The following MED13L variants were observed in gnomAD, a reference collection of about 807,000 sequenced individuals.
The protein encoded by MED13L is mediator complex subunit 13L.
A neutral mutation model predicts 220.9 loss-of-function variants in MED13L; 7 were observed. The ratio of observed to expected loss-of-function variants is 0.03; its 90% CI spans 0.02 to 0.06. The LOEUF is 0.06. MED13L is among the 10% of genes least tolerant of loss of function. The pLI is 1.00. For synonymous variants in MED13L, 1,011 were observed against 1,015.2 expected, an observed-to-expected ratio of 1.00 and a Z score of 0.08; for missense variants, 1,965 against 2,760.5, an observed-to-expected ratio of 0.71 and a Z score of 6.46.
At chr12:116,054,632 G>C (rs1868796062) in intron 4 of MED13L, among the ~76,000 whole-genome samples, 1 of 152,132 alleles carries the variant, frequency 6.6e-6, no homozygotes, top group African/African-American at 2.4e-5. Flanking sequence ...CTACTGTCCA[G>C]CTGAAATCCT....
chr12:116,088,752 GA>G (rs1245494577), intron 4 of MED13L, among the ~76,000 whole-genome samples: 2 of 149,276 alleles, frequency 1.3e-5, no homozygotes, highest in African/African-American at 2.5e-5. Context: ...GAGGGGAGGG[GA>G]GGGGAGACCA....
intron 7 of MED13L, 21 bp from the exon 8 acceptor site, chr12:116,015,295 GA>G: frequency 6.2e-7 from 1 of 1,613,330 alleles, no homozygotes; most frequent in East Asian, 2.2e-5. Context: ...AGGCAATTTG[GA>G]ATGTTAGGAT....
At chr12:116,220,184 C>G (rs1449261696) in intron 2 of MED13L, among the ~76,000 whole-genome samples, 1 of 152,066 alleles carries the variant, frequency 6.6e-6, no homozygotes, top group African/African-American at 2.4e-5. Flanking sequence ...GCTGTTAATG[C>G]CATTATAAAC....
In MED13L at chr12:116,216,562, T is replaced by C. The variant is rs183034982; in HGVS notation, c.310+20906A>G. Among the ~76,000 whole-genome samples, 23 of 152,222 alleles carry C rather than the reference T, an allele frequency of 1.5e-4. No individual in the cohort carries two copies. The Middle Eastern group carries it at 0.014, about 90-fold the overall frequency. ...GGAAGAAATGTATGCAAAGGTCCAATAGTGGTTGGAAAAAGTGAAAACCAA... is the reference window on the plus strand; with the variant it reads ...GGAAGAAATGTATGCAAAGGTCCAACAGTGGTTGGAAAAAGTGAAAACCAA... On this transcript the variant is annotated intron_variant, in intron 2 of 30. Coordinates refer to ENST00000281928, the MANE Select transcript of MED13L (RefSeq NM_015335.5).
intron 2 of MED13L, among the ~76,000 whole-genome samples, chr12:116,162,693 T>C (rs1272025830): frequency 6.6e-6 from 1 of 152,210 alleles, no homozygotes; most frequent in Non-Finnish European, 1.5e-5. Flanking sequence ...AAAATTCACA[T>C]ATCTCCAAAT....
intron 2 of MED13L, among the ~76,000 whole-genome samples, chr12:116,140,145 T>TC (rs1158072122): frequency 1.3e-5 from 2 of 151,618 alleles, no homozygotes; most frequent in Non-Finnish European, 1.5e-5. Flanking sequence ...AAAAACATAC[T>TC]CCCCCCCTTT....
rs756798130 is a variant in MED13L at position 116,096,763 on chromosome 12, T to A, written c.396-11A>T. On this transcript the variant is annotated splice_polypyrimidine_tract_variant and intron_variant, in intron 3 of 30. Transcript: ENST00000281928. The stretch of plus-strand genomic sequence containing the variant: ...TTATCCATTAGGCACCTAAAATAAT[T>A]ACATCAAGAATTACTTTTATAGTAT... 1 of 1,603,146 alleles carries A rather than the reference T, an allele frequency of 6.2e-7. No homozygotes were observed. Among genetic ancestry groups the A allele is most frequent in the Non-Finnish European group, 8.5e-7 (1 of 1,170,124 alleles).
chr12:116,074,240 CA>C (rs1261342268), intron 4 of MED13L, among the ~76,000 whole-genome samples: 1 of 152,110 alleles, frequency 6.6e-6, no homozygotes, highest in Non-Finnish European at 1.5e-5. Context: ...ACTAAAAACA[CA>C]AAAAGTAGCC....
chr12:116,257,273 C>T (rs1338104935), intron 1 of MED13L, among the ~76,000 whole-genome samples: 1 of 152,228 alleles, frequency 6.6e-6, no homozygotes, highest in East Asian at 1.9e-4. Context: ...GCACTGTCTA[C>T]ACAAACATGA....
In MED13L at chr12:116,090,755, T is replaced by C. The variant is rs1184338616; in HGVS notation, c.479+5914A>G. Among the ~76,000 whole-genome samples, 3 of 152,308 alleles carry C rather than the reference T, an allele frequency of 2.0e-5. No homozygotes were observed. The East Asian group carries it at 5.8e-4, about 29-fold the overall frequency. Reference sequence around the variant, plus strand: ...AACAAGGAGAGATTTGTTTTGAGCTTAGTTTCAGTTATTTAGCAGGAATTT... The same window carrying C: ...AACAAGGAGAGATTTGTTTTGAGCTCAGTTTCAGTTATTTAGCAGGAATTT... On this transcript the variant is annotated intron_variant, in intron 4 of 30. Coordinates refer to ENST00000281928, the MANE Select transcript of MED13L (RefSeq NM_015335.5).
At chr12:116,118,100 C>CA (rs1454951403) in intron 2 of MED13L, among the ~76,000 whole-genome samples, 26 of 152,118 alleles carry the variant, frequency 1.7e-4, no homozygotes, top group African/African-American at 6.3e-4. Context: ...TCAGCCACTG[C>CA]ACGCAGTCAA....
chr12:115,967,486 G>A (rs1225572767), intron 28 of MED13L, among the ~76,000 whole-genome samples: 1 of 151,968 alleles, frequency 6.6e-6, no homozygotes, highest in East Asian at 1.9e-4. Context: ...TAGTGCTTAA[G>A]GCTCCAAAAA....
At chr12:116,015,355 A>G in intron 7 of MED13L, 81 bp from the exon 8 acceptor site, 1 of 1,442,318 alleles carries the variant, frequency 6.9e-7, no homozygotes, top group South Asian at 1.1e-5. Context: ...ATTAACATAA[A>G]TATGCATTTT....
intron 1 of MED13L, among the ~76,000 whole-genome samples, chr12:116,274,107 T>C (rs1472361090): frequency 1.3e-5 from 2 of 152,204 alleles, no homozygotes; most frequent in South Asian, 2.1e-4. Flanking sequence ...AAGAAACTTA[T>C]ACAATGACCC....
chr12:116,249,640 A>AT (rs931540787), intron 1 of MED13L, among the ~76,000 whole-genome samples: 53 of 146,852 alleles, frequency 3.6e-4, no homozygotes, highest in African/African-American at 1.1e-3. Flanking sequence ...GAAATGGGGG[A>AT]TTTTTTTAAC....
chr12:116,141,813 C>CT (rs1877101637), intron 2 of MED13L, among the ~76,000 whole-genome samples: 1 of 152,110 alleles, frequency 6.6e-6, no homozygotes, highest in Admixed American at 6.5e-5. Context: ...CACTCATGAG[C>CT]TAACTGGGTC....
intron 4 of MED13L, among the ~76,000 whole-genome samples, chr12:116,076,479 G>A (rs902502494): frequency 6.6e-5 from 10 of 152,180 alleles, no homozygotes; most frequent in African/African-American, 2.4e-4. Flanking sequence ...GGAGGCTGCA[G>A]TGAGCTATCA....
At chr12:115,987,066 G>A in intron 18 of MED13L, 43 bp downstream of exon 18, 1 of 1,593,630 alleles carries the variant, frequency 6.3e-7, no homozygotes, top group Non-Finnish European at 8.6e-7. Context: ...TCACTGAACA[G>A]CACTGAAGTC....
chr12:116,000,542 T>C (rs1254212049), intron 14 of MED13L, among the ~76,000 whole-genome samples: 1 of 152,190 alleles, frequency 6.6e-6, no homozygotes, highest in Non-Finnish European at 1.5e-5. Context: ...CCAGAGCACA[T>C]GCCCAAGTCC....
Sources: gnomAD v4.1 joint callset for allele counts (sites outside exome capture counted in the v4.1 genomes callset) on GRCh38, gnomAD v4.1.1 for gene constraint, MANE v1.5 for transcripts, NCBI Gene and HGNC (gene_info 2026-07-23, HGNC 2026-07-21) for gene names.